TNRC6B: variants seen among roughly 807,000 people sequenced by gnomAD.
TNRC6B encodes trinucleotide repeat-containing gene 6B protein.
In TNRC6B, 52 loss-of-function variants were observed where a neutral mutation model predicts 203.6. That is an observed-to-expected ratio of 0.26 (90% CI 0.20 to 0.32). The LOEUF (loss-of-function observed/expected upper bound fraction) is 0.32, where lower values mean the gene tolerates loss of function less well. TNRC6B is among the 10% of genes least tolerant of loss of function. The probability of loss-of-function intolerance (pLI) is 1.00; values close to 1 mark genes in which losing one functional copy is unlikely to be tolerated. For missense variants in TNRC6B, 1,923 were observed against 2,286.2 expected, an observed-to-expected ratio of 0.84 and a Z score of 3.24; for synonymous variants, 838 against 845.7, an observed-to-expected ratio of 0.99 and a Z score of 0.16.
In TNRC6B at chr22:40,332,678, C is replaced by A. The variant is rs1369467539; in HGVS notation, c.*9437C>A. 6.6e-6 allele frequency: 1 copy of A among 152,264 alleles called. No homozygotes were observed. Among genetic ancestry groups the A allele is most frequent in the African/African-American group, 2.4e-5 (1 of 41,346 alleles). The allele number at this position is 152,264 out of a possible 1,614,324, so 9.4% of individuals were successfully genotyped here. On this transcript the variant is annotated 3_prime_UTR_variant, in exon 23 of 23. Transcript: ENST00000454349. ...GATTGCCTTTAAACAAAAAAAACAA[C>A]AAAAAAATAAAATCCTGACGTTTCA...
intron 1 of TNRC6B, among the ~76,000 whole-genome samples, chr22:40,087,407 G>A (rs1419766076): frequency 4.6e-5 from 7 of 152,114 alleles, no homozygotes; most frequent in Non-Finnish European, 8.8e-5. Flanking sequence ...CACATACTGA[G>A]CACCAGAGTA....
intron 4 of TNRC6B, among the ~76,000 whole-genome samples, chr22:40,158,649 G>A (rs1490755762): frequency 6.6e-6 from 1 of 152,170 alleles, no homozygotes; most frequent in African/African-American, 2.4e-5. Context: ...GGAATGCCAT[G>A]TGTCGTATCC....
chr22:40,104,018 C>T lies in TNRC6B; in HGVS notation c.-120-13037C>T, dbSNP rs1162555996. On this transcript the variant is annotated intron_variant, in intron 1 of 23. Coordinates refer to the TNRC6B transcript ENST00000301923. ...CTGTATTCCCAGCACTTTGGGAGGCCGAGGCAGGTGGATCACAAGGTCAGG... is the reference window on the plus strand; with the variant it reads ...CTGTATTCCCAGCACTTTGGGAGGCTGAGGCAGGTGGATCACAAGGTCAGG... Among the ~76,000 whole-genome samples, 6 of 150,072 alleles carry T rather than the reference C, an allele frequency of 4.0e-5. No homozygotes were observed. The East Asian group carries it at 8.2e-4, about 21-fold the overall frequency.
At position 40,256,715 on chromosome 22, in the gene TNRC6B, G is replaced by T. The variant is rs1040389959; in HGVS notation, c.116-5117G>T. Among the ~76,000 whole-genome samples the T allele has an allele frequency of 5.9e-5, 9 of 152,132 alleles. No homozygotes were observed. In the East Asian group the frequency reaches 7.7e-4, roughly 13 times the overall value. ...TAAACCCTAAAATATTTACTATCTG[G>T]CCCTTTACAGAAAGTTTGCTGATCC... On this transcript the variant is annotated intron_variant, in intron 3 of 22. Transcript: ENST00000454349.
At chr22:40,049,600 G>A (rs1053601253) in intron 1 of TNRC6B, among the ~76,000 whole-genome samples, 7 of 151,922 alleles carry the variant, frequency 4.6e-5, no homozygotes, top group African/African-American at 1.7e-4. Context: ...TTACCTGCTG[G>A]CATTCTTTTT....
chr22:40,156,201 A>G (rs781657877), intron 4 of TNRC6B: 1 of 1,558,290 alleles, frequency 6.4e-7, no homozygotes, highest in South Asian at 1.2e-5. Flanking sequence ...CAGTTTATTT[A>G]AAAAGAGTCC....
At chr22:40,242,594 C>T (rs867860750) in intron 1 of TNRC6B, among the ~76,000 whole-genome samples, 32 of 152,166 alleles carry the variant, frequency 2.1e-4, no homozygotes, top group South Asian at 8.3e-4. Flanking sequence ...CCACGCCCAC[C>T]TAATTTTGTA....
chr22:40,199,602 G>T (rs1336270260), intron 1 of TNRC6B, among the ~76,000 whole-genome samples: 1 of 152,136 alleles, frequency 6.6e-6, no homozygotes, highest in Non-Finnish European at 1.5e-5. Flanking sequence ...AACCGAAGGA[G>T]ACTAAAGAGA....
intron 21 of TNRC6B, among the ~76,000 whole-genome samples, chr22:40,319,823 C>T (rs556981677): frequency 9.9e-5 from 15 of 152,150 alleles, no homozygotes; most frequent in Non-Finnish European, 1.9e-4. Context: ...GAGTTCGGTA[C>T]TATTGGTGGT....
At chr22:40,259,203 G>A (rs567615001) in intron 3 of TNRC6B, among the ~76,000 whole-genome samples, 6 of 152,126 alleles carry the variant, frequency 3.9e-5, no homozygotes, top group Admixed American at 2.0e-4. Context: ...TATAGGTCAT[G>A]AATATTAGAT....
chr22:40,121,573 T>C (rs2068445831), intron 2 of TNRC6B, among the ~76,000 whole-genome samples: 1 of 152,240 alleles, frequency 6.6e-6, no homozygotes, highest in Non-Finnish European at 1.5e-5. Flanking sequence ...AGCCCACTAA[T>C]GCCCTATTCC....
chr22:40,060,144 CTTT>C (rs1175503527), intron 1 of TNRC6B, among the ~76,000 whole-genome samples: 1 of 125,280 alleles, frequency 8.0e-6, no homozygotes, highest in South Asian at 2.6e-4. Context: ...TTTTTTTTTT[CTTT>C]TTTTTTTTTT....
In TNRC6B at chr22:40,264,751, C is replaced by T. The variant is rs1344338022; in HGVS notation, c.521C>T (p.Ser174Phe). ...YANSTWGSGA[S>F]SNNGTSPNPI... ...AATTCCACTTGGGGCTCGGGAGCCTCCTCCAACAACGGCACCTCCCCCAAC... is the reference window on the plus strand; with the variant it reads ...AATTCCACTTGGGGCTCGGGAGCCTTCTCCAACAACGGCACCTCCCCCAAC... The change falls in exon 5 of 23, where the codon TCC (serine) becomes TTC (phenylalanine). Residue 174 changes from serine to phenylalanine, a missense_variant. By Grantham distance (155) the Ser-to-Phe change is radical (BLOSUM62 -2). This residue lies in a region of TNRC6B where 614 missense variants were observed against 587.7 expected (regional missense o/e 1.04). Coordinates refer to ENST00000454349, the MANE Select transcript of TNRC6B (RefSeq NM_001162501.2). The T allele has an allele frequency of 7.4e-6, 12 of 1,611,552 alleles. No homozygotes were observed. Among genetic ancestry groups the T allele is most frequent in the Non-Finnish European group, 1.0e-5 (12 of 1,178,376 alleles).
chr22:40,163,340 G>A (rs1030526219), intron 4 of TNRC6B, among the ~76,000 whole-genome samples: 2 of 145,062 alleles, frequency 1.4e-5, no homozygotes, highest in African/African-American at 5.1e-5. Context: ...AGTGGTGGCA[G>A]TGAGCCAAGA....
chr22:40,103,357 G>A (rs2068256431), intron 1 of TNRC6B, among the ~76,000 whole-genome samples: 1 of 150,972 alleles, frequency 6.6e-6, no homozygotes, highest in Non-Finnish European at 1.5e-5. Flanking sequence ...GATCCCTCTT[G>A]CCCAAGTGCT....
chr22:40,106,320 T>C, intron 1 of TNRC6B: 1 of 835,824 alleles, frequency 1.2e-6, no homozygotes, highest in East Asian at 2.7e-5. Flanking sequence ...GTAGACACCT[T>C]AGTTTATTCT....
intron 1 of TNRC6B, among the ~76,000 whole-genome samples, chr22:40,104,360 G>A (rs916765099): frequency 6.6e-6 from 1 of 152,128 alleles, no homozygotes; most frequent in Non-Finnish European, 1.5e-5. Flanking sequence ...CTATCCAGAG[G>A]GAGTCTACAC....
At chr22:40,225,359 G>A (rs568193553) in intron 1 of TNRC6B, among the ~76,000 whole-genome samples, 9 of 152,180 alleles carry the variant, frequency 5.9e-5, no homozygotes, top group Non-Finnish European at 1.3e-4. Context: ...ATGATGTGTA[G>A]AAAGCATAAT....
intron 21 of TNRC6B, among the ~76,000 whole-genome samples, chr22:40,316,572 C>G (rs1014465454): frequency 7.2e-5 from 11 of 152,062 alleles, no homozygotes; most frequent in Non-Finnish European, 1.2e-4. Flanking sequence ...ATCACTTGAG[C>G]CCAGAATTGC....
Sources: gnomAD v4.1 joint callset for allele counts (sites outside exome capture counted in the v4.1 genomes callset) on GRCh38, gnomAD v4.1.1 for gene constraint, gnomAD v4.1.1 regional missense constraint, MANE v1.5 for transcripts, NCBI Gene and HGNC (gene_info 2026-07-23, HGNC 2026-07-21) for gene names.